The following CAGE1 variants were observed in gnomAD, a reference collection of about 807,000 sequenced individuals.
The protein encoded by CAGE1 is cancer antigen 1, also known as cancer-associated gene 1 protein.
In CAGE1, 66 loss-of-function variants were observed where a neutral mutation model predicts 94.9. That is an observed-to-expected ratio of 0.70 (90% CI 0.57 to 0.85). CAGE1 has a LOEUF of 0.85. Ranked by LOEUF, CAGE1 falls within the 40% of genes least tolerant of loss-of-function variation. CAGE1 has a pLI of 0.00. For missense variants in CAGE1, 865 were observed against 950.4 expected (o/e 0.91, Z 1.18); for synonymous variants, 319 against 321.0 (o/e 0.99, Z 0.07).
At chr6:7,344,232 G>A (rs536146322) in intron 11 of CAGE1, among the ~76,000 whole-genome samples, 4 of 152,206 alleles carry the variant, frequency 2.6e-5, no homozygotes, top group East Asian at 3.9e-4. Flanking sequence ...AGGCGCCAGC[G>A]GGAACCGGGG....
intron 2 of CAGE1, 46 bp from the exon 3 acceptor site, chr6:7,385,918 G>C: frequency 9.8e-7 from 1 of 1,018,894 alleles, no homozygotes; most frequent in East Asian, 2.7e-5. Context: ...AACATCACAA[G>C]CTTCTTCTAA....
At chr6:7,335,124 T>C (rs1758907837) in intron 11 of CAGE1, among the ~76,000 whole-genome samples, 1 of 152,204 alleles carries the variant, frequency 6.6e-6, no homozygotes, top group African/African-American at 2.4e-5. Context: ...CACTGTCATG[T>C]TGACTCTTTA....
intron 4 of CAGE1, among the ~76,000 whole-genome samples, chr6:7,375,893 T>G (rs1380952465): frequency 1.3e-5 from 2 of 152,206 alleles, no homozygotes; most frequent in East Asian, 3.8e-4. Flanking sequence ...CTATCATTAC[T>G]GAGACCTACA....
At chr6:7,377,418 G>C (rs750751089) in intron 4 of CAGE1, among the ~76,000 whole-genome samples, 1 of 152,164 alleles carries the variant, frequency 6.6e-6, no homozygotes, top group Non-Finnish European at 1.5e-5. Flanking sequence ...AGACATTATA[G>C]TCATAGTGTT....
At chr6:7,382,518 G>C (rs896404477) in intron 3 of CAGE1, among the ~76,000 whole-genome samples, 7 of 150,756 alleles carry the variant, frequency 4.6e-5, no homozygotes, top group Non-Finnish European at 3.0e-5. Flanking sequence ...GGCCAGGCTG[G>C]GTTTGAACTC....
At chr6:7,332,400 C>T (rs1161614265) in intron 12 of CAGE1, among the ~76,000 whole-genome samples, 1 of 152,208 alleles carries the variant, frequency 6.6e-6, no homozygotes, top group South Asian at 2.1e-4. Context: ...CTGGCATTCT[C>T]TTCTAGTTTC....
chr6:7,379,849 C>G (rs1044231707), intron 3 of CAGE1, among the ~76,000 whole-genome samples: 2 of 152,062 alleles, frequency 1.3e-5, no homozygotes, highest in Admixed American at 6.5e-5. Context: ...TTTCACAGTA[C>G]CTCTGGACCA....
chr6:7,377,549 A>G (rs1056063656), intron 4 of CAGE1, among the ~76,000 whole-genome samples: 1 of 152,112 alleles, frequency 6.6e-6, no homozygotes, highest in African/African-American at 2.4e-5. Flanking sequence ...CCTGGCCAAC[A>G]TGGTGAAAAC....
intron 3 of CAGE1, among the ~76,000 whole-genome samples, chr6:7,385,271 C>T (rs956392033): frequency 1.3e-5 from 2 of 151,596 alleles, no homozygotes; most frequent in African/African-American, 4.8e-5. Context: ...TCCCAAAGTG[C>T]TGGGATTACA....
Position 7,387,194 on chromosome 6 carries a change from CTTCT to C in CAGE1, c.-23-2_-22del. ...TTCATAACTGTTGAACAATAGAAGA[CTTCT>C]TTAAAAAAAAAATGTGTCTATTAGT... On this transcript the variant is annotated splice_acceptor_variant and 5_prime_UTR_variant, in exon 2 of 14. Coordinates refer to ENST00000502583, the MANE Select transcript of CAGE1 (RefSeq NM_001170692.2). LOFTEE classifies it low-confidence loss of function (5UTR_SPLICE). The C allele has an allele frequency of 6.6e-7, 1 of 1,508,126 alleles. No individual in the cohort carries two copies. Among genetic ancestry groups the C allele is most frequent in the Admixed American group, 2.2e-5 (1 of 45,602 alleles). The allele number at this position is 1,508,126 out of a possible 1,614,324, so 93.4% of individuals were successfully genotyped here. A position where few individuals can be genotyped will look rare whatever the true frequency, so the allele number is the denominator to read the frequency against.
At chr6:7,335,042 C>G (rs1266166730) in intron 11 of CAGE1, among the ~76,000 whole-genome samples, 3 of 152,204 alleles carry the variant, frequency 2.0e-5, no homozygotes, top group Non-Finnish European at 2.9e-5. Context: ...CTGGCCTCAT[C>G]CAGCACCTGG....
At chr6:7,350,018 C>G (rs2465477) in intron 11 of CAGE1, among the ~76,000 whole-genome samples, 2,380 of 151,364 alleles carry the variant, frequency 0.016, 84 homozygotes, top group African/African-American at 0.054. Context: ...GGAGACTTAC[C>G]TAACACATAA....
chr6:7,383,186 C>G (rs992987016), intron 3 of CAGE1, among the ~76,000 whole-genome samples: 70 of 152,152 alleles, frequency 4.6e-4, no homozygotes, highest in African/African-American at 1.6e-3. Context: ...TGTCTTGTGC[C>G]GTGATTCTGT....
In CAGE1 at chr6:7,339,220, TC is replaced by T. The variant is rs1428530583; in HGVS notation, c.2370-5131del. The stretch of plus-strand genomic sequence containing the variant: ...AACCGCGACACACCATAGCAGGCCC[TC>T]CGCACAGCAAGCCCTCCTAGGAGTT... On this transcript the variant is annotated intron_variant, in intron 11 of 13. Transcript: ENST00000502583. The surrounding 1 kb of genome is among the most constrained non-coding windows in gnomAD (Gnocchi z 4.7). The T allele has an allele frequency of 6.4e-7, 1 of 1,568,476 alleles. No individual in the cohort carries two copies. The highest frequency in any genetic ancestry group is 1.7e-5 in the Admixed American group (1 of 59,934).
chr6:7,346,762 A>C (rs1317345288), intron 11 of CAGE1, among the ~76,000 whole-genome samples: 1 of 146,830 alleles, frequency 6.8e-6, no homozygotes, highest in Non-Finnish European at 1.5e-5. Context: ...AGGCAGAAGA[A>C]TTGCTTGAGC....
At chr6:7,379,215 A>G (rs150313507) in intron 3 of CAGE1, among the ~76,000 whole-genome samples, 195 bp from the exon 4 acceptor site, 55 of 152,352 alleles carry the variant, frequency 3.6e-4, no homozygotes, top group African/African-American at 1.2e-3. Context: ...TGGGGGAAAG[A>G]AGTCCCCAAA....
chr6:7,339,659 C>T lies in CAGE1; in HGVS notation c.2370-5569G>A, dbSNP rs540170158. ...CTTAGCTCCCACTTATGAGTGAGAA[C>T]ATATGATGTTTGGTTTTCCATTCCT... On this transcript the variant is annotated intron_variant, in intron 11 of 13. Transcript: ENST00000502583. This position sits in a 1 kb window ranked among gnomAD's most constrained non-coding sequence, Gnocchi z 4.7. The T allele has an allele frequency of 1.3e-5, 8 of 600,982 alleles. No homozygotes were observed. In the South Asian group the frequency reaches 1.4e-4, roughly 10 times the overall value. The allele number at this position is 600,982 out of a possible 1,614,324, so 37.2% of individuals were successfully genotyped here.
At chr6:7,375,272 G>A (rs1760698639) in intron 4 of CAGE1, among the ~76,000 whole-genome samples, 1 of 151,884 alleles carries the variant, frequency 6.6e-6, no homozygotes, top group Non-Finnish European at 1.5e-5. Flanking sequence ...AGCTGCGCGT[G>A]GCGGTGTGCA....
At chr6:7,336,295 T>C (rs1758950444) in intron 11 of CAGE1, among the ~76,000 whole-genome samples, 1 of 152,040 alleles carries the variant, frequency 6.6e-6, no homozygotes, top group African/African-American at 2.4e-5. Context: ...ATAGCAGCAG[T>C]GGAATATATT....
Sources: allele counts gnomAD v4.1 joint callset (sites outside exome capture counted in the v4.1 genomes callset), GRCh38; gene constraint gnomAD v4.1.1; non-coding constraint Gnocchi (gnomAD v3.1); transcripts MANE v1.5; gene names NCBI Gene and HGNC (gene_info 2026-07-23, HGNC 2026-07-21).